The following AFF4 variants were observed in gnomAD, a reference collection of about 807,000 sequenced individuals.
AFF4 encodes AF4/FMR2 family member 4.
In AFF4, 13 loss-of-function variants were observed where a neutral mutation model predicts 124.8. The observed-to-expected ratio is 0.10, with a 90% CI of 0.07 to 0.17. The LOEUF (loss-of-function observed/expected upper bound fraction) is 0.17. Ranked by LOEUF, AFF4 falls within the 10% of genes least tolerant of loss-of-function variation. The pLI, the probability that AFF4 is intolerant of heterozygous loss-of-function variation, is 1.00. For synonymous variants in AFF4, 477 were observed against 496.1 expected, an observed-to-expected ratio of 0.96 and a Z score of 0.51; for missense variants, 1,092 against 1,403.8, an observed-to-expected ratio of 0.78 and a Z score of 3.55.
chr5:132,939,085 T>C (rs750017257), intron 1 of AFF4, among the ~76,000 whole-genome samples: 3 of 150,406 alleles, frequency 2.0e-5, no homozygotes, highest in Non-Finnish European at 4.4e-5. Context: ...CCAGGTGTGG[T>C]GGTGGACACC....
intron 5 of AFF4, among the ~76,000 whole-genome samples, chr5:132,921,462 CTTTTTTTTTTCTT>C (rs1761044760): frequency 1.5e-5 from 2 of 129,536 alleles, no homozygotes; most frequent in Non-Finnish European, 3.3e-5. Flanking sequence ...CAGTTGTTTT[CTTTTTTTTTTCTT>C]TTTTTTTTTT....
intron 19 of AFF4, among the ~76,000 whole-genome samples, chr5:132,884,563 T>C (rs549747536): frequency 6.6e-5 from 10 of 152,184 alleles, no homozygotes; most frequent in Non-Finnish European, 1.2e-4. Context: ...ATCTGCACTT[T>C]TAGCATTATA....
intron 5 of AFF4, among the ~76,000 whole-genome samples, chr5:132,921,868 CCAGCTGCAGTCAAG>C (rs996432187): frequency 6.6e-6 from 1 of 152,026 alleles, no homozygotes; most frequent in Non-Finnish European, 1.5e-5. Flanking sequence ...GCAGCCTCAA[CCAGCTGCAGTCAAG>C]CAATCCTCCC....
Position 132,896,549 on chromosome 5 carries a change from G to C in AFF4, c.2081C>G (p.Ser694Cys). Residue 694 changes from serine (S) to cysteine (C), a missense_variant, in exon 11 of 21, where the codon TCT (serine) becomes TGT (cysteine). Ser to Cys is a moderately radical substitution (Grantham distance 112). This residue lies in a region of AFF4 where 293 missense variants were observed against 280.2 expected (regional missense o/e 1.05). Transcript: ENST00000265343. ...AAGAAGTTCCTTCTCTTCCATAGGA[G>C]AGAACATTCGTTGCCGAAAAAAGCT... ...EDSFFRQRMFSPMEEKELLSP... is the reference protein window; with the variant it reads ...EDSFFRQRMFCPMEEKELLSP... 1 of 1,614,100 alleles carries C rather than the reference G, an allele frequency of 6.2e-7. No homozygotes were observed. Among genetic ancestry groups the C allele is most frequent in the Non-Finnish European group, 8.5e-7 (1 of 1,180,024 alleles).
intron 9 of AFF4, 98 bp from the exon 10 acceptor site, chr5:132,898,490 CTTTT>C: frequency 1.0e-6 from 1 of 992,760 alleles, no homozygotes; most frequent in Middle Eastern, 3.5e-4. Context: ...TTCTTCTTGT[CTTTT>C]TTTTTTTTAG....
intron 5 of AFF4, among the ~76,000 whole-genome samples, chr5:132,918,496 T>C (rs1191022213): frequency 5.9e-5 from 9 of 152,072 alleles, no homozygotes; most frequent in African/African-American, 1.4e-4. Flanking sequence ...ACCTCGTCTC[T>C]ACTAAAAATA....
intron 1 of AFF4, among the ~76,000 whole-genome samples, chr5:132,956,573 A>G (rs375943393): frequency 4.1e-4 from 62 of 150,766 alleles, no homozygotes; most frequent in African/African-American, 1.3e-3. Context: ...CAGAGGCTGC[A>G]GTGAGCCGAG....
At chr5:132,963,179 GGGCCCCCACCCCCACCCGGCCCC>G in intron 1 of AFF4, 57 bp downstream of exon 1, 1 of 380,294 alleles carries the variant, frequency 2.6e-6, no homozygotes, top group Non-Finnish European at 4.7e-6. Flanking sequence ...CAGAACTTGC[GGGCCCCCACCCCCACCCGGCCCC>G]GGCCACAACC....
At chr5:132,920,294 C>T (rs1180725439) in intron 5 of AFF4, among the ~76,000 whole-genome samples, 2 of 151,934 alleles carry the variant, frequency 1.3e-5, no homozygotes, top group African/African-American at 2.4e-5. Flanking sequence ...AAGTGATCTG[C>T]CCACCTCAGC....
At chr5:132,899,272 TA>T in intron 8 of AFF4, 131 bp from the exon 9 acceptor site, 1 of 819,556 alleles carries the variant, frequency 1.2e-6, no homozygotes, top group East Asian at 2.6e-5. Flanking sequence ...TTAGCACTTA[TA>T]CTGTTTTTAC....
chr5:132,946,726 A>T (rs1269148785), intron 1 of AFF4, among the ~76,000 whole-genome samples: 1 of 152,192 alleles, frequency 6.6e-6, no homozygotes, highest in Non-Finnish European at 1.5e-5. Flanking sequence ...ATTGTACAAC[A>T]CTGTGAATGT....
chr5:132,880,809 T>C lies in AFF4; in HGVS notation c.*250A>G, dbSNP rs772526794. 8.7e-6 allele frequency: 3 copies of C among 344,350 alleles called. No individual in the cohort carries two copies. Among genetic ancestry groups the C allele is most frequent in the Non-Finnish European group, 1.6e-5 (3 of 193,284 alleles). 21.3% of individuals were successfully genotyped at this position (344,350 alleles called of 1,614,324 possible). ...TGCAACTGGAATTTCAATCTTATCATAGCTCACGGAAACCATCTTATCAAT... is the reference window on the plus strand; with the variant it reads ...TGCAACTGGAATTTCAATCTTATCACAGCTCACGGAAACCATCTTATCAAT... On this transcript the variant is annotated 3_prime_UTR_variant, in exon 21 of 21. Coordinates refer to ENST00000265343, the MANE Select transcript of AFF4 (RefSeq NM_014423.4).
intron 1 of AFF4, among the ~76,000 whole-genome samples, chr5:132,954,291 G>A (rs999566692): frequency 2.0e-5 from 3 of 152,210 alleles, no homozygotes; most frequent in Admixed American, 6.5e-5. Flanking sequence ...TGCATGTGCA[G>A]TTCACAACAG....
rs1762051842 is a variant in AFF4, at chr5:132,960,163, G to A, written c.-5+3096C>T. 1.3e-5 allele frequency among the ~76,000 whole-genome samples: 2 copies of A among 152,138 alleles called. 1 individual carries two copies. The highest frequency in any genetic ancestry group is 4.1e-4 in the South Asian group (2 of 4,826). On this transcript the variant is annotated intron_variant, in intron 1 of 20. Transcript: ENST00000265343. Reference sequence around the variant, plus strand: ...CCTTCTTTCACAATAACTGAGACTAGCTAACACCCTCCCAGAAATCAAATA... The same window carrying A: ...CCTTCTTTCACAATAACTGAGACTAACTAACACCCTCCCAGAAATCAAATA...
Position 132,934,693 on chromosome 5 carries a change from G to A in AFF4, c.372C>T (p.Ser124=). 1 of 1,614,122 alleles carries A rather than the reference G, an allele frequency of 6.2e-7. No individual in the cohort carries two copies. The highest frequency in any genetic ancestry group is 8.5e-7 in the Non-Finnish European group (1 of 1,180,024). ...TACTATGTCCACTCTGTAAGCCTGAGGACCGTTTCTGAGACTGAGAAGTGC... is the reference window on the plus strand; with the variant it reads ...TACTATGTCCACTCTGTAAGCCTGAAGACCGTTTCTGAGACTGAGAAGTGC... ...APSTSQSQKR[S]SGLQSGHSSQ... Residue 124 remains serine, a synonymous_variant, in exon 3 of 21, where the codon TCC becomes TCT. Transcript: ENST00000265343.
chr5:132,886,277 T>G (rs1462556884), intron 18 of AFF4, 33 bp downstream of exon 18: 1 of 1,595,910 alleles, frequency 6.3e-7, no homozygotes, highest in South Asian at 1.1e-5. Flanking sequence ...TTCTGTCTCC[T>G]AGGAAACGGA....
chr5:132,900,607 G>A (rs1244843910), intron 7 of AFF4, among the ~76,000 whole-genome samples: 5 of 151,956 alleles, frequency 3.3e-5, no homozygotes, highest in Non-Finnish European at 7.4e-5. Flanking sequence ...CAAAATCTCC[G>A]TTGATCAAAC....
rs1391400112 is a variant in AFF4 at position 132,896,504 on chromosome 5, T to G, written c.2126A>C (p.Asp709Ala). ...KELLSPLSEP[D>A]DRYPLIVKID... ...CTTCACAATAAGTGGGTACCTGTCA[T>G]CAGGCTCACTGAGGGGTGAAAGAAG... is the stretch of plus-strand genomic sequence containing the variant. The change falls in exon 11 of 21, where the codon GAT becomes GCT. Residue 709 changes from aspartate (D) to alanine (A), a missense_variant. By Grantham distance (126) the Asp-to-Ala change is moderately radical (BLOSUM62 -2). Coordinates refer to ENST00000265343, the MANE Select transcript of AFF4 (RefSeq NM_014423.4). The G allele has an allele frequency of 6.2e-7, 1 of 1,614,202 alleles. No homozygotes were observed. The highest frequency in any genetic ancestry group is 1.1e-5 in the South Asian group (1 of 91,082).
At chr5:132,902,789 TTTACA>T (rs1411011561) in intron 6 of AFF4, among the ~76,000 whole-genome samples, 12 of 152,168 alleles carry the variant, frequency 7.9e-5, no homozygotes, top group Non-Finnish European at 1.8e-4. Flanking sequence ...ATGAAAGGAA[TTTACA>T]TTACAGGTAT....
Sources: allele counts gnomAD v4.1 joint callset (sites outside exome capture counted in the v4.1 genomes callset), GRCh38; gene constraint gnomAD v4.1.1; regional missense constraint gnomAD v4.1.1; transcripts MANE v1.5; gene names NCBI Gene and HGNC (gene_info 2026-07-23, HGNC 2026-07-21).